The following ARSB variants were observed in gnomAD, a reference collection of about 807,000 sequenced individuals.
The protein encoded by ARSB is arylsulfatase B, also known as N-acetylgalactosamine-4-sulfatase.
A neutral mutation model predicts 50.9 loss-of-function variants in ARSB; 41 were observed. That is an observed-to-expected ratio of 0.81 (90% CI 0.63 to 1.04). The LOEUF (loss-of-function observed/expected upper bound fraction) is 1.04, where lower values mean the gene tolerates loss of function less well. Among genes scored for constraint, ARSB ranks in the 50% least tolerant of loss-of-function variants. The pLI is 0.00. For missense variants in ARSB, 672 were observed against 693.3 expected (o/e 0.97, Z 0.35); for synonymous variants, 269 against 284.8 (o/e 0.94, Z 0.56).
intron 3 of ARSB, among the ~76,000 whole-genome samples, chr5:78,962,523 G>GTTTTTTT (rs1752033569): frequency 3.4e-5 from 3 of 89,378 alleles, no homozygotes; most frequent in African/African-American, 1.7e-4. Flanking sequence ...ACATGTGCTC[G>GTTTTTTT]ATTTTTTTTT....
chr5:78,971,876 T>C (rs1031564315), intron 1 of ARSB, among the ~76,000 whole-genome samples: 1 of 152,246 alleles, frequency 6.6e-6, no homozygotes, highest in African/African-American at 2.4e-5. Context: ...GTACAGTTCA[T>C]TGTATGTCAA....
chr5:78,891,502 C>G (rs760322325), intron 4 of ARSB, among the ~76,000 whole-genome samples: 9 of 152,190 alleles, frequency 5.9e-5, no homozygotes, highest in African/African-American at 7.2e-5. Flanking sequence ...CCAGGGACCA[C>G]TCCAGATCTG....
chr5:78,976,276 TAC>T (rs369935717), intron 1 of ARSB, among the ~76,000 whole-genome samples: 15 of 136,504 alleles, frequency 1.1e-4, no homozygotes, highest in African/African-American at 4.0e-4. Flanking sequence ...AAAAACAGGC[TAC>T]TTTTTTTTTT....
At chr5:78,810,212 G>A (rs1743755315) in intron 6 of ARSB, among the ~76,000 whole-genome samples, 1 of 152,218 alleles carries the variant, frequency 6.6e-6, no homozygotes, top group Non-Finnish European at 1.5e-5. Context: ...GACAGAGCCT[G>A]CTATTCAGGG....
chr5:78,844,817 T>C (rs567872434), intron 5 of ARSB, among the ~76,000 whole-genome samples: 2 of 152,262 alleles, frequency 1.3e-5, no homozygotes, highest in Non-Finnish European at 2.9e-5. Context: ...GTGTACAATG[T>C]GTAATGATAA....
chr5:78,922,365 G>GTGAGGTAAAGTACCAAGCTGACT, intron 4 of ARSB, among the ~76,000 whole-genome samples: 1 of 152,110 alleles, frequency 6.6e-6, no homozygotes, highest in East Asian at 2.0e-4. Flanking sequence ...CTCAGCCACA[G>GTGAGGTAAAGTACCAAGCTGACT]CAGGATAGGG....
rs867533208 is a variant in ARSB, at chr5:78,981,248, C to A, written c.312+3689G>T. Among the ~76,000 whole-genome samples the A allele has an allele frequency of 5.9e-5, 3 of 50,806 alleles. 1 individual carries two copies. Among genetic ancestry groups the A allele is most frequent in the Admixed American group, 2.3e-4 (1 of 4,304 alleles). The allele number at this position is 50,806 out of a possible 152,430, so 33.3% of individuals were successfully genotyped here. ...TACAGGCGTGAGCCACCGCGCCCGG[C>A]CGAATTTCTAGTTCTTGAATTTACC... On this transcript the variant is annotated intron_variant, in intron 1 of 7. Coordinates refer to ENST00000264914, the MANE Select transcript of ARSB (RefSeq NM_000046.5).
At chr5:78,941,115 G>C (rs1197859049) in intron 4 of ARSB, among the ~76,000 whole-genome samples, 1 of 149,632 alleles carries the variant, frequency 6.7e-6, no homozygotes. Flanking sequence ...GAATGCTTGT[G>C]ATTTTTGTAT....
intron 6 of ARSB, among the ~76,000 whole-genome samples, chr5:78,811,728 A>T (rs1486467602): frequency 6.6e-6 from 1 of 152,210 alleles, no homozygotes; most frequent in Non-Finnish European, 1.5e-5. Context: ...TGAGAGGAAA[A>T]AGCAAAGTCT....
chr5:78,970,579 C>T (rs57670624), intron 1 of ARSB, among the ~76,000 whole-genome samples: 34,466 of 152,052 alleles, frequency 0.23, 4,511 homozygotes, highest in African/African-American at 0.35. Context: ...TAATGTCCAA[C>T]AGTGATCATT....
intron 4 of ARSB, among the ~76,000 whole-genome samples, chr5:78,907,648 G>A (rs1480838960): frequency 1.3e-5 from 2 of 152,142 alleles, no homozygotes; most frequent in East Asian, 1.9e-4. Flanking sequence ...ATTTTGTTAA[G>A]TATTCAGGAA....
intron 6 of ARSB, among the ~76,000 whole-genome samples, chr5:78,832,740 G>A (rs1025749900): frequency 6.6e-6 from 1 of 152,166 alleles, no homozygotes; most frequent in African/African-American, 2.4e-5. Context: ...TTAAAGAGAA[G>A]AGGGCCTTTA....
At chr5:78,966,380 C>G (rs942889518) in intron 2 of ARSB, among the ~76,000 whole-genome samples, 86 of 149,370 alleles carry the variant, frequency 5.8e-4, no homozygotes, top group African/African-American at 2.1e-3. Context: ...GAAAATGCTT[C>G]TTGAACAACC....
chr5:78,907,708 G>T (rs1465052342), intron 4 of ARSB, among the ~76,000 whole-genome samples: 2 of 152,178 alleles, frequency 1.3e-5, no homozygotes, highest in African/African-American at 4.8e-5. Context: ...AGCGGGGGAG[G>T]CCACGGGTAG....
intron 6 of ARSB, among the ~76,000 whole-genome samples, chr5:78,822,599 A>G (rs1414341137): frequency 6.6e-6 from 1 of 152,220 alleles, no homozygotes; most frequent in Non-Finnish European, 1.5e-5. Context: ...ACTGACCATT[A>G]TAACAATTTG....
intron 4 of ARSB, among the ~76,000 whole-genome samples, chr5:78,940,170 T>A (rs1750838955): frequency 6.6e-6 from 1 of 152,226 alleles, no homozygotes; most frequent in Non-Finnish European, 1.5e-5. Context: ...CATTGTAGAT[T>A]CTGGATATTA....
intron 5 of ARSB, among the ~76,000 whole-genome samples, chr5:78,864,223 A>T (rs1465610408): frequency 6.6e-6 from 1 of 152,120 alleles, no homozygotes; most frequent in Non-Finnish European, 1.5e-5. Context: ...GACATCCCCA[A>T]GACTGGACAA....
At chr5:78,870,828 G>C (rs902685031) in intron 5 of ARSB, among the ~76,000 whole-genome samples, 7 of 151,878 alleles carry the variant, frequency 4.6e-5, no homozygotes, top group Non-Finnish European at 8.8e-5. Context: ...AATTAGGCAG[G>C]GGAAGGAAAT....
At chr5:78,807,368 T>A (rs373855881) in intron 6 of ARSB, among the ~76,000 whole-genome samples, 2 of 152,318 alleles carry the variant, frequency 1.3e-5, no homozygotes, top group South Asian at 2.1e-4. Flanking sequence ...TGTCTTTCTT[T>A]TAAAATGCTC....
Sources: allele counts gnomAD v4.1 joint callset (sites outside exome capture counted in the v4.1 genomes callset), GRCh38; gene constraint gnomAD v4.1.1; transcripts MANE v1.5; gene names NCBI Gene and HGNC (gene_info 2026-07-23, HGNC 2026-07-21).